The following HDAC4 variants were observed in gnomAD, a reference collection of about 807,000 sequenced individuals.
The protein encoded by HDAC4 is histone deacetylase 4.
In HDAC4, 16 loss-of-function variants were observed where a neutral mutation model predicts 135.1. The observed-to-expected ratio is 0.12, with a 90% CI of 0.08 to 0.18. The LOEUF (loss-of-function observed/expected upper bound fraction) is 0.18, where lower values mean the gene tolerates loss of function less well. Among genes scored for constraint, HDAC4 ranks in the 10% least tolerant of loss-of-function variants. HDAC4 has a pLI of 1.00. For synonymous variants in HDAC4, 685 were observed against 653.4 expected, an observed-to-expected ratio of 1.05 and a Z score of -0.74; for missense variants, 1,143 against 1,511.8, an observed-to-expected ratio of 0.76 and a Z score of 4.05.
At chr2:239,087,637 A>G in intron 18 of HDAC4, 23 bp from the exon 19 acceptor site, 1 of 1,612,198 alleles carries the variant, frequency 6.2e-7, no homozygotes, top group South Asian at 1.1e-5. Context: ...CCAGACAGCC[A>G]GGAGAGAGCA....
chr2:239,344,488 G>A (rs1292621632), intron 2 of HDAC4, among the ~76,000 whole-genome samples: 3 of 152,048 alleles, frequency 2.0e-5, no homozygotes, highest in African/African-American at 7.2e-5. Flanking sequence ...TCTTCATAAT[G>A]ACTGAGTACT....
intron 2 of HDAC4, among the ~76,000 whole-genome samples, chr2:239,291,796 T>G (rs1469459789): frequency 6.6e-6 from 1 of 152,196 alleles, no homozygotes; most frequent in African/African-American, 2.4e-5. Context: ...ATTTCCAGTG[T>G]CCACCATCGC....
At chr2:239,363,636 CT>C (rs1464864847) in intron 1 of HDAC4, among the ~76,000 whole-genome samples, 1 of 152,084 alleles carries the variant, frequency 6.6e-6, no homozygotes, top group Non-Finnish European at 1.5e-5. Flanking sequence ...GAGGCCTGGT[CT>C]AAAAGACAAC....
At position 239,240,024 on chromosome 2, in the gene HDAC4, C is replaced by T. The variant is rs771333506; in HGVS notation, c.23-3360G>A. Among the ~76,000 whole-genome samples the T allele has an allele frequency of 6.6e-6, 1 of 152,260 alleles. No individual in the cohort carries two copies. Among genetic ancestry groups the T allele is most frequent in the Non-Finnish European group, 1.5e-5 (1 of 68,044 alleles). The stretch of plus-strand genomic sequence containing the variant: ...GATCCCGGCCTGAGCCGTCCTTGGT[C>T]GTCCACCTGGACAGCATGACAGATG... On this transcript the variant is annotated intron_variant, in intron 2 of 26. Transcript: ENST00000543185. This position sits in a 1 kb window ranked among gnomAD's most constrained non-coding sequence, Gnocchi z 4.5.
At chr2:239,353,306 C>A (rs1196976732) in intron 1 of HDAC4, among the ~76,000 whole-genome samples, 1 of 152,214 alleles carries the variant, frequency 6.6e-6, no homozygotes, top group African/African-American at 2.4e-5. Context: ...TGAGCCACCA[C>A]GCCCCACCAA....
At chr2:239,079,659 G>C (rs528598009) in intron 22 of HDAC4, among the ~76,000 whole-genome samples, 1 of 152,230 alleles carries the variant, frequency 6.6e-6, no homozygotes, top group Non-Finnish European at 1.5e-5. Flanking sequence ...GGCCTCACCT[G>C]CCGGAGACGT....
At chr2:239,148,270 G>T (rs1336331363) in intron 7 of HDAC4, among the ~76,000 whole-genome samples, 1 of 152,178 alleles carries the variant, frequency 6.6e-6, no homozygotes, top group Non-Finnish European at 1.5e-5. Context: ...GCAGAAGGAA[G>T]GGGCTGGAGA....
intron 2 of HDAC4, among the ~76,000 whole-genome samples, chr2:239,347,439 C>A (rs1052186158): frequency 1.3e-5 from 2 of 152,200 alleles, no homozygotes; most frequent in Non-Finnish European, 2.9e-5. Flanking sequence ...GTAGCTCAGA[C>A]TGAACAGAAT....
chr2:239,330,059 G>A (rs534907359), intron 2 of HDAC4, among the ~76,000 whole-genome samples: 3 of 152,358 alleles, frequency 2.0e-5, no homozygotes, highest in African/African-American at 7.2e-5. Flanking sequence ...AGCTGCTGCT[G>A]CAGAGGCTGT....
chr2:239,116,513 C>T (rs1474497586), intron 12 of HDAC4, among the ~76,000 whole-genome samples: 4 of 152,238 alleles, frequency 2.6e-5, no homozygotes, highest in Admixed American at 1.3e-4. Flanking sequence ...CCTGCCTTTC[C>T]TGCTTTGCCC....
intron 7 of HDAC4, among the ~76,000 whole-genome samples, chr2:239,148,970 T>A (rs2041936675): frequency 6.6e-6 from 1 of 152,202 alleles, no homozygotes; most frequent in African/African-American, 2.4e-5. Context: ...GCAGTCCAGG[T>A]GGACTCTGGT....
chr2:239,087,382 A>T (rs528800323), intron 19 of HDAC4, among the ~76,000 whole-genome samples, 177 bp downstream of exon 19: 50 of 152,246 alleles, frequency 3.3e-4, no homozygotes, highest in African/African-American at 1.2e-3. Flanking sequence ...ATGCTCGCAG[A>T]CTTTGGCATC....
intron 11 of HDAC4, among the ~76,000 whole-genome samples, chr2:239,132,536 A>C (rs1274534696): frequency 6.6e-6 from 1 of 152,216 alleles, no homozygotes; most frequent in Admixed American, 6.5e-5. Flanking sequence ...CTGGTGGCAC[A>C]GAGCCTGGGC....
chr2:239,089,474 T>G (rs1315119488), intron 18 of HDAC4, among the ~76,000 whole-genome samples: 1 of 152,156 alleles, frequency 6.6e-6, no homozygotes, highest in Non-Finnish European at 1.5e-5. Flanking sequence ...ATTATAGGCA[T>G]GCGCCACCAT....
intron 1 of HDAC4, among the ~76,000 whole-genome samples, chr2:239,392,293 A>G (rs1696278511): frequency 6.6e-6 from 1 of 152,262 alleles, no homozygotes; most frequent in Admixed American, 6.5e-5. Context: ...CCCCAGTGAC[A>G]TCTCCTTTGA....
At chr2:239,225,042 T>G (rs1216434017) in intron 3 of HDAC4, among the ~76,000 whole-genome samples, 2 of 152,074 alleles carry the variant, frequency 1.3e-5, no homozygotes, top group Admixed American at 1.3e-4. Context: ...ATGGAGTAAA[T>G]TAGAAATGAA....
At chr2:239,194,640 C>G (rs1426014257) in intron 3 of HDAC4, among the ~76,000 whole-genome samples, 3 of 152,236 alleles carry the variant, frequency 2.0e-5, no homozygotes, top group Non-Finnish European at 4.4e-5. Flanking sequence ...GAAACTGCTG[C>G]CCAAATCTTC....
rs2039091859 is a variant in HDAC4, at chr2:239,115,914, C to T, written c.1534-604G>A. Among the ~76,000 whole-genome samples, 1 of 152,168 alleles carries T rather than the reference C, an allele frequency of 6.6e-6. No homozygotes were observed. The highest frequency in any genetic ancestry group is 1.5e-5 in the Non-Finnish European group (1 of 68,022). ...CACGGCCTCCCCTTCTGCAGGATCT[C>T]AGGGACACCATGACCTCCTTTCTTG... is the stretch of plus-strand genomic sequence containing the variant. On this transcript the variant is annotated intron_variant, in intron 12 of 26. Coordinates refer to ENST00000543185, the MANE Select transcript of HDAC4 (RefSeq NM_001378414.1). The surrounding 1 kb of genome is among the most constrained non-coding windows in gnomAD (Gnocchi z 6.3).
chr2:239,189,776 C>T (rs942463341), intron 4 of HDAC4, 57 bp downstream of exon 4: 5 of 1,531,452 alleles, frequency 3.3e-6, no homozygotes, highest in African/African-American at 1.4e-5. Flanking sequence ...GCTGGAGTCA[C>T]CGGGAGTTGA....
Sources: gnomAD v4.1 joint callset for allele counts (sites outside exome capture counted in the v4.1 genomes callset) on GRCh38, gnomAD v4.1.1 for gene constraint, Gnocchi (gnomAD v3.1) non-coding constraint, MANE v1.5 for transcripts, NCBI Gene and HGNC (gene_info 2026-07-23, HGNC 2026-07-21) for gene names.